The following CECR2 variants were observed in gnomAD, a reference collection of about 807,000 sequenced individuals.
CECR2 encodes the protein CECR2 histone acetyl-lysine reader, also known as chromatin remodeling regulator CECR2.
In CECR2, 30 loss-of-function variants were observed where a neutral mutation model predicts 154.5. The observed-to-expected ratio is 0.19, with a 90% CI of 0.15 to 0.26. The LOEUF is 0.26. Among genes scored for constraint, CECR2 ranks in the 10% least tolerant of loss-of-function variants. The pLI, the probability that CECR2 is intolerant of heterozygous loss-of-function variation, is 1.00. For synonymous variants in CECR2, 725 were observed against 683.7 expected (o/e 1.06, Z -0.94); for missense variants, 1,743 against 1,829.3 (o/e 0.95, Z 0.86).
At chr22:17,504,078 A>ATAAT (rs71201834) in intron 6 of CECR2, among the ~76,000 whole-genome samples, 2 of 150,922 alleles carry the variant, frequency 1.3e-5, no homozygotes, top group African/African-American at 2.4e-5. Context: ...AAATAAATAA[A>ATAAT]ATTTAAAAGT....
rs1366697940 is a variant in CECR2, at chr22:17,542,401, A to T, written c.2258A>T (p.Glu753Val). The T allele has an allele frequency of 6.2e-7, 1 of 1,613,690 alleles. No individual in the cohort carries two copies. The highest frequency in any genetic ancestry group is 8.5e-7 in the Non-Finnish European group (1 of 1,179,880). ...CCACCAGACTTTCCTGAAAGCTCAG[A>T]AATTCCTCCCAGCCATATGTATCGA... ...ARPPDFPESS[E>V]IPPSHMYRSY... Residue 753 changes from glutamate (E) to valine (V), a missense_variant, in exon 16 of 19, where the codon GAA becomes GTA. By Grantham distance (121) the Glu-to-Val change is moderately radical. Around this residue, in one of 4 missense-constraint regions of CECR2, gnomAD observed 1,250 missense variants for 1,192.1 expected, o/e 1.05. Transcript: ENST00000262608.
At chr22:17,405,444 G>A (rs1340289044) in intron 1 of CECR2, among the ~76,000 whole-genome samples, 1 of 138,016 alleles carries the variant, frequency 7.2e-6, no homozygotes, top group East Asian at 2.0e-4. Context: ...GATAAAATAA[G>A]ATAAAATAAA....
chr22:17,387,783 ACT>A (rs368079409), intron 1 of CECR2, among the ~76,000 whole-genome samples: 14 of 151,902 alleles, frequency 9.2e-5, no homozygotes, highest in African/African-American at 2.4e-4. Context: ...GGGTAGAGGG[ACT>A]CTCATTTAGC....
intron 7 of CECR2, among the ~76,000 whole-genome samples, chr22:17,510,222 T>C (rs1190096453): frequency 6.6e-6 from 1 of 152,214 alleles, no homozygotes; most frequent in Non-Finnish European, 1.5e-5. Flanking sequence ...GAAGCTGGCA[T>C]TGTCATTTTT....
At position 17,545,549 on chromosome 22, in the gene CECR2, G is replaced by C. The variant is rs1569156327; in HGVS notation, c.2860+2546G>C. On this transcript the variant is annotated intron_variant, in intron 16 of 18. Transcript: ENST00000262608. ...GGAGAATGGACACACTTGGACTTAA[G>C]ATAATAGATTCCTGGCTGAGCACGG... Among the ~76,000 whole-genome samples the C allele has an allele frequency of 2.6e-5, 4 of 151,770 alleles. 1 individual carries two copies. The East Asian group carries it at 7.8e-4, about 30-fold the overall frequency.
rs1373203762 is a variant in CECR2 at position 17,548,729 on chromosome 22, G to A, written c.3442G>A (p.Gly1148Arg). 6.2e-7 allele frequency: 1 copy of A among 1,613,538 alleles called. No homozygotes were observed. The highest frequency in any genetic ancestry group is 1.3e-5 in the African/African-American group (1 of 74,884). ...GLQGVGPVMGGKSPASHPQHF... is the reference protein window; with the variant it reads ...GLQGVGPVMGRKSPASHPQHF... ...GCAGGGTGTGGGCCCTGTGATGGGA[G>A]GGAAGTCCCCAGCATCCCATCCCCA... The change falls in exon 17 of 19, where the codon GGG (glycine) becomes AGG (arginine). Residue 1148 changes from glycine (G) to arginine (R), a missense_variant. Around this residue, in one of 4 missense-constraint regions of CECR2, gnomAD observed 1,250 missense variants for 1,192.1 expected, o/e 1.05. Coordinates refer to ENST00000262608, the MANE Select transcript of CECR2 (RefSeq NM_001290047.2).
upstream of CECR2, among the ~76,000 whole-genome samples, chr22:17,367,100 TC>T (rs1365488914): frequency 6.6e-6 from 1 of 152,102 alleles, no homozygotes; most frequent in East Asian, 1.9e-4. Flanking sequence ...CGCGTGCCGT[TC>T]CCGGACAGTC....
chr22:17,553,000 TA>T lies in CECR2; in HGVS notation c.*164del. Reference sequence around the variant, plus strand: ...TTGAGCTGGAGCCAGTCACGGGCCCTAAAAGGACACTCCTTAGATGACTGAC... The same window carrying T: ...TTGAGCTGGAGCCAGTCACGGGCCCTAAAGGACACTCCTTAGATGACTGAC... On this transcript the variant is annotated 3_prime_UTR_variant, in exon 19 of 19. Transcript: ENST00000262608. 1 of 1,448,122 alleles carries T rather than the reference TA, an allele frequency of 6.9e-7. No individual in the cohort carries two copies. The allele number at this position is 1,448,122 out of a possible 1,614,324, so 89.7% of individuals were successfully genotyped here. A position where few individuals can be genotyped will look rare whatever the true frequency, so the allele number is the denominator to read the frequency against.
chr22:17,538,799 T>G (rs1601535819), intron 12 of CECR2, 68 bp downstream of exon 12: 1 of 1,402,078 alleles, frequency 7.1e-7, no homozygotes, highest in Non-Finnish European at 9.9e-7. Context: ...GTTGTTTGTT[T>G]GTTGTTAAAT....
At chr22:17,485,730 A>G (rs2055409605) in intron 2 of CECR2, among the ~76,000 whole-genome samples, 1 of 152,186 alleles carries the variant, frequency 6.6e-6, no homozygotes, top group African/African-American at 2.4e-5. Flanking sequence ...AGATGGTGCC[A>G]CTGCACTCCA....
intron 18 of CECR2, 62 bp from the exon 19 acceptor site, chr22:17,552,773 A>ATTTTTT: frequency 5.1e-6 from 2 of 395,768 alleles, no homozygotes; most frequent in Admixed American, 5.9e-5. Flanking sequence ...GGCTTACTTA[A>ATTTTTT]GTTTTTTTTT....
chr22:17,494,983 G>A (rs559879010), intron 2 of CECR2, among the ~76,000 whole-genome samples: 9 of 152,020 alleles, frequency 5.9e-5, no homozygotes, highest in South Asian at 2.1e-4. Flanking sequence ...GTGAGCCACC[G>A]CGCCCGGCAA....
chr22:17,518,534 A>G (rs1727393357), intron 8 of CECR2: 2 of 281,358 alleles, frequency 7.1e-6, no homozygotes, highest in Non-Finnish European at 1.4e-5. Context: ...GCCTTTGTCA[A>G]TATGGACTTC....
intron 2 of CECR2, among the ~76,000 whole-genome samples, chr22:17,491,962 G>T (rs1214368922): frequency 6.6e-6 from 1 of 152,086 alleles, no homozygotes; most frequent in Non-Finnish European, 1.5e-5. Context: ...GGATATAGTA[G>T]CTATTCTACA....
At chr22:17,451,324 G>C (rs549112449) in intron 1 of CECR2, among the ~76,000 whole-genome samples, 1 of 152,264 alleles carries the variant, frequency 6.6e-6, no homozygotes, top group South Asian at 2.1e-4. Context: ...ATTCTTTTTG[G>C]CTTACAAAAA....
chr22:17,384,629 C>T (rs1006111262), intron 1 of CECR2, among the ~76,000 whole-genome samples: 1 of 152,182 alleles, frequency 6.6e-6, no homozygotes, highest in Non-Finnish European at 1.5e-5. Flanking sequence ...ATGCTGTAAA[C>T]AGATGTGCTG....
intron 1 of CECR2, among the ~76,000 whole-genome samples, chr22:17,407,954 A>T (rs1328398614): frequency 2.0e-5 from 3 of 152,166 alleles, no homozygotes; most frequent in African/African-American, 7.2e-5. Context: ...GGTGTCCGAA[A>T]CTGTACCTTT....
rs953697682 is a variant in CECR2, at chr22:17,556,586, A to G, written c.*3746A>G. 1 of 152,076 alleles carries G rather than the reference A, an allele frequency of 6.6e-6. No homozygotes were observed. The highest frequency in any genetic ancestry group is 2.4e-5 in the African/African-American group (1 of 41,394). The allele number at this position is 152,076 out of a possible 1,614,324, so 9.4% of individuals were successfully genotyped here. ...AATTTTTTTTTTTAATGGACATTCA[A>G]ATCTGTAAATACTACACTGCTCTTA... On this transcript the variant is annotated 3_prime_UTR_variant, in exon 19 of 19. Transcript: ENST00000262608.
upstream of CECR2, among the ~76,000 whole-genome samples, chr22:17,368,879 G>C (rs1435156997): frequency 6.6e-6 from 1 of 151,950 alleles, no homozygotes; most frequent in Non-Finnish European, 1.5e-5. Context: ...CTTCGTTCCA[G>C]CTCAATCAGC....
Sources: allele counts gnomAD v4.1 joint callset (sites outside exome capture counted in the v4.1 genomes callset), GRCh38; gene constraint gnomAD v4.1.1; regional missense constraint gnomAD v4.1.1; transcripts MANE v1.5; gene names NCBI Gene and HGNC (gene_info 2026-07-23, HGNC 2026-07-21).